The following RCC2 variants were observed in gnomAD, a reference collection of about 807,000 sequenced individuals.
The protein encoded by RCC2 is regulator of chromosome condensation 2, also known as protein RCC2.
In RCC2, 19 loss-of-function variants were observed where a neutral mutation model predicts 64.1. The ratio of observed to expected loss-of-function variants is 0.30; its 90% CI spans 0.21 to 0.44. The LOEUF (loss-of-function observed/expected upper bound fraction) is 0.44, where lower values mean the gene tolerates loss of function less well. RCC2 is among the 20% of genes least tolerant of loss of function. The probability of loss-of-function intolerance (pLI) is 1.00; values close to 1 mark genes in which losing one functional copy is unlikely to be tolerated. For missense variants in RCC2, 508 were observed against 710.4 expected (o/e 0.72, Z 3.24); for synonymous variants, 325 against 279.6 (o/e 1.16, Z -1.62).
chr1:17,427,233 T>G (rs1288773597), intron 3 of RCC2, among the ~76,000 whole-genome samples: 1 of 152,158 alleles, frequency 6.6e-6, no homozygotes, highest in East Asian at 1.9e-4. Context: ...ATCTGTGAAG[T>G]ACGTTCCAGC....
At chr1:17,426,122 C>T (rs1452630436) in intron 3 of RCC2, among the ~76,000 whole-genome samples, 2 of 152,136 alleles carry the variant, frequency 1.3e-5, no homozygotes, top group African/African-American at 2.4e-5. Context: ...ACCCCGCTCA[C>T]CCTGACAGTA....
intron 4 of RCC2, among the ~76,000 whole-genome samples, chr1:17,423,201 G>A (rs1054462096): frequency 6.6e-6 from 1 of 152,120 alleles, no homozygotes; most frequent in East Asian, 1.9e-4. Context: ...CAACCACCCC[G>A]TCCCTACCCT....
chr1:17,408,829 C>A lies in RCC2; in HGVS notation c.*261G>T, dbSNP rs1244675752. On this transcript the variant is annotated 3_prime_UTR_variant, in exon 13 of 13. Coordinates refer to ENST00000375436, the MANE Select transcript of RCC2 (RefSeq NM_018715.4). ...CCTAGATTGCTCAAAGTTTCTGCCT[C>A]TTTTGTAGGAATGGTAAATCAACTA... is the stretch of plus-strand genomic sequence containing the variant. 9.8e-6 allele frequency: 4 copies of A among 408,794 alleles called. No individual in the cohort carries two copies. Among genetic ancestry groups the A allele is most frequent in the Non-Finnish European group, 1.7e-5 (4 of 229,892 alleles). 25.3% of individuals were successfully genotyped at this position (408,794 alleles called of 1,614,324 possible).
At chr1:17,409,941 C>A in intron 12 of RCC2, 33 bp downstream of exon 12, 1 of 1,580,412 alleles carries the variant, frequency 6.3e-7, no homozygotes, top group Middle Eastern at 1.7e-4. Context: ...GGTACGGACA[C>A]GTCCCCGAGC....
chr1:17,437,787 C>A (rs2075753845), intron 2 of RCC2, among the ~76,000 whole-genome samples: 1 of 86,076 alleles, frequency 1.2e-5, no homozygotes, highest in African/African-American at 4.2e-5. Flanking sequence ...GCCGCCCCCT[C>A]CCCGCGGCGC....
chr1:17,432,491 A>T (rs1241550602), intron 2 of RCC2, among the ~76,000 whole-genome samples: 1 of 152,204 alleles, frequency 6.6e-6, no homozygotes, highest in Non-Finnish European at 1.5e-5. Context: ...CAGCAACTGC[A>T]GACCAGGCAG....
chr1:17,422,916 A>T, intron 4 of RCC2, 80 bp from the exon 5 acceptor site: 1 of 1,542,998 alleles, frequency 6.5e-7, no homozygotes, highest in Non-Finnish European at 8.9e-7. Flanking sequence ...GTACAAACAC[A>T]CTCTCAAATG....
intron 7 of RCC2, among the ~76,000 whole-genome samples, chr1:17,419,894 T>C (rs938921539): frequency 6.6e-6 from 1 of 152,234 alleles, no homozygotes; most frequent in Non-Finnish European, 1.5e-5. Context: ...TTCTCTCTTA[T>C]TCACTTCTGA....
rs1026431621 is a variant in RCC2, at chr1:17,412,995, GA to G, written c.1313+77del. ...GCAGCAGAAACAGAGCCCCATCAGG[GA>G]GGGGCACCCCATGGGTGTGTCTGAC... is the stretch of plus-strand genomic sequence containing the variant. On this transcript the variant is annotated intron_variant, in intron 10 of 12. Coordinates refer to ENST00000375436, the MANE Select transcript of RCC2 (RefSeq NM_018715.4). 3 of 1,043,204 alleles carry G rather than the reference GA, an allele frequency of 2.9e-6. No homozygotes were observed. In the African/African-American group the frequency reaches 4.8e-5, roughly 17 times the overall value. The allele number at this position is 1,043,204 out of a possible 1,614,324, so 64.6% of individuals were successfully genotyped here.
At chr1:17,417,879 T>TG (rs1372273531) in intron 7 of RCC2, among the ~76,000 whole-genome samples, 1 of 151,388 alleles carries the variant, frequency 6.6e-6, no homozygotes, top group Admixed American at 6.6e-5. Flanking sequence ...CAAAAATATC[T>TG]GGGGGGAGGA....
intron 2 of RCC2, among the ~76,000 whole-genome samples, chr1:17,437,781 C>A (rs868057798): frequency 1.4e-5 from 2 of 147,078 alleles, no homozygotes; most frequent in African/African-American, 2.4e-5. Context: ...GCGCCGGCCG[C>A]CCCCTCCCCG....
At chr1:17,431,359 A>AATATATATATATATATAT (rs71014951) in intron 2 of RCC2, among the ~76,000 whole-genome samples, 56 of 44,908 alleles carry the variant, frequency 1.2e-3, no homozygotes, top group African/African-American at 4.9e-3. Flanking sequence ...AAAAAAAAAA[A>AATATATATATATATATAT]ATATATATAT....
At chr1:17,421,522 C>T (rs540765254) in intron 6 of RCC2, among the ~76,000 whole-genome samples, 6 of 151,946 alleles carry the variant, frequency 3.9e-5, no homozygotes, top group Non-Finnish European at 7.4e-5. Flanking sequence ...CTGCCTATCT[C>T]GTATTTGTAT....
intron 2 of RCC2, among the ~76,000 whole-genome samples, chr1:17,433,434 G>A (rs938125639): frequency 2.6e-5 from 4 of 152,242 alleles, no homozygotes; most frequent in Admixed American, 6.5e-5. Flanking sequence ...GGGGCAGGGC[G>A]GGGGTGCCAG....
intron 8 of RCC2, among the ~76,000 whole-genome samples, chr1:17,414,211 T>C (rs867743809): frequency 1.6e-4 from 24 of 152,070 alleles, no homozygotes; most frequent in African/African-American, 5.8e-4. Context: ...CTCCTGAGAG[T>C]TGGGCAATCA....
intron 4 of RCC2, among the ~76,000 whole-genome samples, chr1:17,424,728 G>T (rs1026740474): frequency 2.6e-5 from 4 of 152,206 alleles, no homozygotes; most frequent in Non-Finnish European, 1.5e-5. Context: ...GAGGACCAGC[G>T]ACAAAGGGTG....
At chr1:17,435,919 A>G (rs1268512643) in intron 2 of RCC2, among the ~76,000 whole-genome samples, 2 of 52,168 alleles carry the variant, frequency 3.8e-5, no homozygotes, top group African/African-American at 2.2e-4. Flanking sequence ...ACTCCAGCTC[A>G]AAAAAAAAAA....
In RCC2 at chr1:17,438,485, GGCCGCC is replaced by G. The variant is rs747484228; in HGVS notation, c.24_29del (p.Ala9_Ala10del). 3 of 1,341,810 alleles carry G rather than the reference GGCCGCC, an allele frequency of 2.2e-6. No individual in the cohort carries two copies. The highest frequency in any genetic ancestry group is 2.9e-6 in the Non-Finnish European group (3 of 1,049,712). The allele number at this position is 1,341,810 out of a possible 1,614,324, so 83.1% of individuals were successfully genotyped here. A position where few individuals can be genotyped will look rare whatever the true frequency, so the allele number is the denominator to read the frequency against. The stretch of plus-strand genomic sequence containing the variant: ...CGTTGCCCGAGCTCGGCTCCTCCCA[GGCCGCC>G]GCCGCCGCCTTCTTCCTGGGCATGG... On this transcript the variant is annotated inframe_deletion, in exon 2 of 13. Coordinates refer to ENST00000375436, the MANE Select transcript of RCC2 (RefSeq NM_018715.4).
chr1:17,437,415 T>C (rs1249062737), intron 2 of RCC2, among the ~76,000 whole-genome samples: 1 of 152,232 alleles, frequency 6.6e-6, no homozygotes, highest in Non-Finnish European at 1.5e-5. Flanking sequence ...GGTGGGGAGA[T>C]GCTGTGGCGG....
Sources: gnomAD v4.1 joint callset for allele counts (sites outside exome capture counted in the v4.1 genomes callset) on GRCh38, gnomAD v4.1.1 for gene constraint, MANE v1.5 for transcripts, NCBI Gene and HGNC (gene_info 2026-07-23, HGNC 2026-07-21) for gene names.